The following MRPS27 variants were observed in gnomAD, a reference collection of about 807,000 sequenced individuals.
MRPS27 encodes the protein small ribosomal subunit protein mS27.
In MRPS27, 43 loss-of-function variants were observed where a neutral mutation model predicts 48.9. That is an observed-to-expected ratio of 0.88 (90% CI 0.69 to 1.13). MRPS27 has a LOEUF of 1.13. MRPS27 is among the 50% of genes most tolerant of loss of function. The pLI, the probability that MRPS27 is intolerant of heterozygous loss-of-function variation, is 0.00. For missense variants in MRPS27, 467 were observed against 476.3 expected (o/e 0.98, Z 0.18); for synonymous variants, 188 against 171.9 (o/e 1.09, Z -0.73).
intron 4 of MRPS27, among the ~76,000 whole-genome samples, chr5:72,252,275 A>C (rs1194167866): frequency 6.6e-6 from 1 of 152,242 alleles, no homozygotes; most frequent in Admixed American, 6.5e-5. Flanking sequence ...TTGTACCATA[A>C]GTATATTTCT....
intron 2 of MRPS27, chr5:72,308,011 C>A (rs2112082117): frequency 6.6e-6 from 1 of 152,420 alleles, no homozygotes; most frequent in East Asian, 1.9e-4. Flanking sequence ...CTCCTCTCCA[C>A]GGTGGAACTG....
chr5:72,250,791 G>GGT (rs1254321843), intron 4 of MRPS27, among the ~76,000 whole-genome samples: 2 of 152,074 alleles, frequency 1.3e-5, no homozygotes, highest in African/African-American at 4.8e-5. Context: ...TTAAAGACAA[G>GGT]GTCTCACTCT....
chr5:72,253,161 T>C (rs1433443523), intron 4 of MRPS27, among the ~76,000 whole-genome samples: 1 of 152,152 alleles, frequency 6.6e-6, no homozygotes, highest in Non-Finnish European at 1.5e-5. Context: ...CCGGCTTAGG[T>C]TGTAGCTTTC....
intron 4 of MRPS27, among the ~76,000 whole-genome samples, chr5:72,272,662 G>A (rs1460778046): frequency 6.6e-6 from 1 of 152,202 alleles, no homozygotes; most frequent in Non-Finnish European, 1.5e-5. Flanking sequence ...ACTTGGCTGT[G>A]AGTATGGCTT....
At chr5:72,308,910 A>G (rs1417787796) in intron 2 of MRPS27, among the ~76,000 whole-genome samples, 1 of 152,202 alleles carries the variant, frequency 6.6e-6, no homozygotes, top group East Asian at 1.9e-4. Context: ...TTTCTGAAGC[A>G]CCTGCATGTC....
chr5:72,303,283 T>C (rs572006941), intron 2 of MRPS27, among the ~76,000 whole-genome samples: 36 of 152,354 alleles, frequency 2.4e-4, no homozygotes, highest in Admixed American at 2.0e-3. Flanking sequence ...TAGTTTATTT[T>C]ATGTGAAGAA....
At chr5:72,254,937 T>C (rs1456270029) in intron 4 of MRPS27, among the ~76,000 whole-genome samples, 1 of 151,746 alleles carries the variant, frequency 6.6e-6, no homozygotes, top group South Asian at 2.1e-4. Flanking sequence ...TGCCAAGAAA[T>C]CTGAATGTCA....
chr5:72,301,041 C>T (rs184910188), intron 2 of MRPS27, among the ~76,000 whole-genome samples: 2 of 152,194 alleles, frequency 1.3e-5, no homozygotes, highest in Admixed American at 1.3e-4. Context: ...TTTGTTTACT[C>T]CCTGGTGGAA....
In MRPS27 at chr5:72,220,942, G is replaced by A. The variant is rs1369535692; in HGVS notation, c.1212C>T (p.Tyr404=). Residue 404 remains tyrosine, a synonymous_variant, in exon 11 of 11, where the codon TAC becomes TAT. Transcript: ENST00000261413. ...QQQREQAKQE[Y]QAQKAAKASA is the part of the protein sequence containing the mutation. ...ATGCCTTTGCTGCTTTCTGAGCCTG[G>A]TACTCCTGCTTCGCTTGCTCCCTCT... The A allele has an allele frequency of 1.5e-5, 25 of 1,614,036 alleles. No homozygotes were observed. The highest frequency in any genetic ancestry group is 1.7e-5 in the Non-Finnish European group (20 of 1,180,002).
At chr5:72,260,145 T>A (rs1748927103) in intron 4 of MRPS27, among the ~76,000 whole-genome samples, 1 of 152,234 alleles carries the variant, frequency 6.6e-6, no homozygotes, top group African/African-American at 2.4e-5. Flanking sequence ...ATTAAGGCAT[T>A]TTGCTATATT....
At chr5:72,305,978 CTGAT>C (rs1750255231) in intron 2 of MRPS27, among the ~76,000 whole-genome samples, 1 of 152,210 alleles carries the variant, frequency 6.6e-6, no homozygotes, top group South Asian at 2.1e-4. Context: ...AAGTTGAAAT[CTGAT>C]TGAAGTAGGA....
At chr5:72,313,247 C>T (rs1265177970) in intron 2 of MRPS27, among the ~76,000 whole-genome samples, 4 of 152,144 alleles carry the variant, frequency 2.6e-5, no homozygotes, top group Non-Finnish European at 4.4e-5. Flanking sequence ...AGCAATGTCT[C>T]CTGCACTTAT....
intron 1 of MRPS27, 102 bp from the exon 2 acceptor site, chr5:72,314,260 ATATAT>A: frequency 3.8e-6 from 3 of 785,778 alleles, no homozygotes; most frequent in Non-Finnish European, 6.1e-6. Context: ...CTACTAGATT[ATATAT>A]TTTAAATAAT....
intron 4 of MRPS27, among the ~76,000 whole-genome samples, chr5:72,246,994 A>G (rs1458409165): frequency 6.6e-6 from 1 of 152,220 alleles, no homozygotes; most frequent in East Asian, 1.9e-4. Flanking sequence ...AGTGTAAAAC[A>G]GTTCTGGAAT....
At chr5:72,320,073 C>A in intron 1 of MRPS27, 76 bp downstream of exon 1, 1 of 1,479,730 alleles carries the variant, frequency 6.8e-7, no homozygotes, top group South Asian at 1.1e-5. Context: ...AACGTTTCCT[C>A]TCCTCTTGAA....
intron 4 of MRPS27, among the ~76,000 whole-genome samples, chr5:72,246,581 C>A (rs1688348434): frequency 6.6e-6 from 1 of 152,140 alleles, no homozygotes; most frequent in African/African-American, 2.4e-5. Flanking sequence ...TTGAAAGCAA[C>A]CTAGGCCAAG....
chr5:72,266,626 G>A (rs566939380), intron 4 of MRPS27, among the ~76,000 whole-genome samples: 99 of 152,296 alleles, frequency 6.5e-4, no homozygotes, highest in African/African-American at 2.2e-3. Context: ...TTGGGAGGCC[G>A]AGGTGGGCAG....
rs181423369 is a variant in MRPS27 at position 72,239,083 on chromosome 5, C to G, written c.282-955G>C. 3.7e-3 allele frequency among the ~76,000 whole-genome samples: 567 copies of G among 152,186 alleles called. 1 individual carries two copies. Among genetic ancestry groups the G allele is most frequent in the African/African-American group, 0.013 (551 of 41,506 alleles). ...ATGTTTTCCTGAATCATTCAGGAAG[C>G]AGGCCAATCGCTGGGCTCCACAAAA... On this transcript the variant is annotated intron_variant, in intron 4 of 10. Transcript: ENST00000261413.
At position 72,308,992 on chromosome 5, in the gene MRPS27, G is replaced by A. The variant is rs1341357135; in HGVS notation, c.151+5089C>T. 2.0e-5 allele frequency among the ~76,000 whole-genome samples: 3 copies of A among 152,190 alleles called. No homozygotes were observed. The South Asian group carries it at 6.2e-4, about 32-fold the overall frequency. ...AAACCGAGTGTGACAGCTGAAAGCC[G>A]CAGAACTGGGACTGACACCCAGAAG... is the stretch of plus-strand genomic sequence containing the variant. On this transcript the variant is annotated intron_variant, in intron 2 of 10. Transcript: ENST00000261413.
Sources: allele counts gnomAD v4.1 joint callset (sites outside exome capture counted in the v4.1 genomes callset), GRCh38; gene constraint gnomAD v4.1.1; transcripts MANE v1.5; gene names NCBI Gene and HGNC (gene_info 2026-07-23, HGNC 2026-07-21).